MIB1: variants seen among roughly 807,000 people sequenced by gnomAD.
MIB1 encodes the protein E3 ubiquitin-protein ligase MIB1.
A neutral mutation model predicts 124.5 loss-of-function variants in MIB1; 278 were observed. The ratio of observed to expected loss-of-function variants is 2.23; its 90% CI spans 2.02 to 2.47. The LOEUF is 2.47. Ranked by LOEUF, MIB1 falls within the 30% of genes most tolerant of loss-of-function variation. The pLI, the probability that MIB1 is intolerant of heterozygous loss-of-function variation, is 0.00. For synonymous variants in MIB1, 446 were observed against 429.4 expected, an observed-to-expected ratio of 1.04 and a Z score of -0.48; for missense variants, 957 against 1,254.4, an observed-to-expected ratio of 0.76 and a Z score of 3.58.
intron 6 of MIB1, among the ~76,000 whole-genome samples, chr18:21,785,492 A>G (rs886065554): frequency 5.3e-5 from 8 of 152,214 alleles, no homozygotes; most frequent in Non-Finnish European, 1.5e-5. Context: ...CAAACAAAGG[A>G]AAACTAAAAG....
In MIB1 at chr18:21,725,090, GT is replaced by G. The variant is rs1473270174; in HGVS notation, n.167+19968del. 7.2e-5 allele frequency among the ~76,000 whole-genome samples: 8 copies of G among 110,584 alleles called. No individual in the cohort carries two copies. The South Asian group carries it at 1.2e-3, about 17-fold the overall frequency. The allele number at this position is 110,584 out of a possible 152,430, so 72.5% of individuals were successfully genotyped here. On this transcript the variant is annotated intron_variant and non_coding_transcript_variant, in intron 1 of 20. Transcript: ENST00000578646. ...AGCCTGGGTGACAGAGCGAGACTCT[GT>G]CTCAAAAAAAAAAAAAAAAAAAAAA... is the stretch of plus-strand genomic sequence containing the variant.
chr18:21,779,689 G>A lies in MIB1; in HGVS notation c.908+4G>A. The A allele has an allele frequency of 6.2e-7, 1 of 1,608,088 alleles. No individual in the cohort carries two copies. Among genetic ancestry groups the A allele is most frequent in the African/African-American group, 1.3e-5 (1 of 74,880 alleles). On this transcript the variant is annotated splice_donor_region_variant and intron_variant, in intron 6 of 20. Transcript: ENST00000261537. ...TACAGTATCCAAGTGGCAATAGGTG[G>A]GTGATATCTCTCAATTTTTGACAAT...
At chr18:21,760,860 T>C (rs2041090093) in intron 1 of MIB1, among the ~76,000 whole-genome samples, 2 of 152,250 alleles carry the variant, frequency 1.3e-5, no homozygotes, top group Admixed American at 1.3e-4. Flanking sequence ...CAGGATAAAC[T>C]TCTAAGTGTG....
chr18:21,841,565 A>G (rs1347552657), intron 13 of MIB1, among the ~76,000 whole-genome samples: 1 of 152,228 alleles, frequency 6.6e-6, no homozygotes, highest in African/African-American at 2.4e-5. Flanking sequence ...TTAAAAGACC[A>G]ATAAAACCAA....
intron 11 of MIB1, among the ~76,000 whole-genome samples, chr18:21,818,659 G>A (rs376985420): frequency 6.6e-6 from 1 of 152,004 alleles, no homozygotes; most frequent in South Asian, 2.1e-4. Context: ...GAACTTTGCC[G>A]GGCAAGGTGG....
At chr18:21,790,360 C>G (rs1292186434) in intron 6 of MIB1, among the ~76,000 whole-genome samples, 1 of 152,064 alleles carries the variant, frequency 6.6e-6, no homozygotes, top group East Asian at 1.9e-4. Flanking sequence ...AAATGCTAGT[C>G]AATAGGAGAA....
rs1277629429 is a variant in MIB1, at chr18:21,866,600, CAG to C, written c.*1937_*1938del. ...GGAGGGAGCACCTGGCTGACTCATG[CAG>C]AGTTTGGCCAATCAGAGAATTGTGT... On this transcript the variant is annotated 3_prime_UTR_variant, in exon 21 of 21. Coordinates refer to ENST00000261537, the MANE Select transcript of MIB1 (RefSeq NM_020774.4). 2.6e-5 allele frequency: 4 copies of C among 152,100 alleles called. No homozygotes were observed. The highest frequency in any genetic ancestry group is 5.9e-5 in the Non-Finnish European group (4 of 68,024). 9.4% of individuals were successfully genotyped at this position (152,100 alleles called of 1,614,324 possible).
chr18:21,718,716 A>C (rs115306833), intron 1 of MIB1, among the ~76,000 whole-genome samples: 1,879 of 152,322 alleles, frequency 0.012, 48 homozygotes, highest in African/African-American at 0.043. Context: ...TGGGTGAGTT[A>C]CTGGCAAGAC....
chr18:21,815,004 G>GA (rs1446788292), intron 10 of MIB1, among the ~76,000 whole-genome samples: 2 of 76,152 alleles, frequency 2.6e-5, no homozygotes, highest in Non-Finnish European at 4.8e-5. Context: ...AGTTCAAGCT[G>GA]TTGGTTTTAT....
Position 21,799,852 on chromosome 18 carries a change from C to T in MIB1, c.1249C>T (p.Gln417Ter). Reference sequence around the variant, plus strand: ...TTGATGCTTTACAGAAAGACTCTCACAACTCCTGAAGAAATTATTTGAAAC... The same window carrying T: ...TTGATGCTTTACAGAAAGACTCTCATAACTCCTGAAGAAATTATTTGAAAC... The part of the protein sequence containing the change: ...ISNASGERLS[Q>*]LLKKLFETQE... Residue 417 changes from glutamine to a stop codon, truncating the protein, a stop_gained, in exon 9 of 21, where the codon CAA becomes TAA. Coordinates refer to ENST00000261537, the MANE Select transcript of MIB1 (RefSeq NM_020774.4). LOFTEE classifies it high-confidence loss of function. The T allele has an allele frequency of 4.3e-6, 7 of 1,610,150 alleles. No individual in the cohort carries two copies. Among genetic ancestry groups the T allele is most frequent in the Non-Finnish European group, 5.9e-6 (7 of 1,177,430 alleles).
upstream of MIB1, among the ~76,000 whole-genome samples, chr18:21,738,707 TGA>T (rs2040806318): frequency 6.7e-6 from 1 of 149,524 alleles, no homozygotes; most frequent in South Asian, 2.1e-4. Context: ...CTCGGGAGGC[TGA>T]GTCAGGAGAA....
chr18:21,862,980 TTTTG>T (rs1598648501), intron 20 of MIB1, among the ~76,000 whole-genome samples: 2 of 152,194 alleles, frequency 1.3e-5, no homozygotes, highest in Admixed American at 6.5e-5. Context: ...ATATAGGTTT[TTTTG>T]TTTGTTTGTT....
chr18:21,722,997 A>G (rs190697978), intron 1 of MIB1, among the ~76,000 whole-genome samples: 149 of 151,838 alleles, frequency 9.8e-4, no homozygotes, highest in Admixed American at 1.9e-3. Context: ...ATTAAGCTCT[A>G]CCTCCTGGAG....
chr18:21,869,386 G>A lies in MIB1; in HGVS notation c.*4720G>A, dbSNP rs2042341042. The A allele has an allele frequency of 6.6e-6, 1 of 152,400 alleles. No homozygotes were observed. Among genetic ancestry groups the A allele is most frequent in the Non-Finnish European group, 1.5e-5 (1 of 67,886 alleles). The allele number at this position is 152,400 out of a possible 1,614,324, so 9.4% of individuals were successfully genotyped here. On this transcript the variant is annotated 3_prime_UTR_variant, in exon 21 of 21. Transcript: ENST00000261537. Reference sequence around the variant, plus strand: ...TTTTTAACAGTTCAAGCAATTGTCAGTTATATTTTGGAAACTCCATCTGTG... The same window carrying A: ...TTTTTAACAGTTCAAGCAATTGTCAATTATATTTTGGAAACTCCATCTGTG...
At chr18:21,748,098 C>T (rs2040931176) in intron 1 of MIB1, among the ~76,000 whole-genome samples, 1 of 152,104 alleles carries the variant, frequency 6.6e-6, no homozygotes, top group Admixed American at 6.5e-5. Context: ...GAAATTTGTC[C>T]AGTCACAAAG....
Position 21,759,243 on chromosome 18 carries a change from G to GTA in MIB1, c.230-6519_230-6518dup, listed in dbSNP as rs2041069767. Reference sequence around the variant, plus strand: ...TATATATATGTGTATATATATATATGTATATATATATTTTTTTGAGACGGA... The same window carrying GTA: ...TATATATATGTGTATATATATATATGTATATATATATATTTTTTTGAGACGGA... On this transcript the variant is annotated intron_variant, in intron 1 of 20. Transcript: ENST00000261537. Among the ~76,000 whole-genome samples the GTA allele has an allele frequency of 2.7e-5, 4 of 147,890 alleles. No homozygotes were observed. The South Asian group carries it at 6.4e-4, about 24-fold the overall frequency.
intron 15 of MIB1, among the ~76,000 whole-genome samples, chr18:21,845,016 C>CT (rs565684956): frequency 0.02 from 2,884 of 144,240 alleles, 39 homozygotes; most frequent in East Asian, 0.07. Context: ...TCTTTTCATT[C>CT]TTTTTTTTTT....
intron 10 of MIB1, among the ~76,000 whole-genome samples, chr18:21,807,148 C>T (rs900380168): frequency 2.6e-5 from 4 of 152,068 alleles, no homozygotes; most frequent in African/African-American, 4.8e-5. Context: ...ATATAAATAT[C>T]GGCCAAATGC....
chr18:21,862,700 T>A (rs924313831), intron 20 of MIB1, among the ~76,000 whole-genome samples: 7 of 152,186 alleles, frequency 4.6e-5, no homozygotes, highest in African/African-American at 1.7e-4. Context: ...ACTCTAGGGC[T>A]TGCTTTGAGG....
Sources: gnomAD v4.1 joint callset for allele counts (sites outside exome capture counted in the v4.1 genomes callset) on GRCh38, gnomAD v4.1.1 for gene constraint, MANE v1.5 for transcripts, NCBI Gene and HGNC (gene_info 2026-07-23, HGNC 2026-07-21) for gene names.